The following LDB3 variants were observed in gnomAD, a reference collection of about 807,000 sequenced individuals.
LDB3 encodes LIM domain-binding protein 3.
Under a neutral mutation model 69.0 loss-of-function variants are expected in LDB3, and 49 were observed. The ratio of observed to expected loss-of-function variants is 0.71; its 90% CI spans 0.56 to 0.90. The LOEUF is 0.90. LDB3 is among the 40% of genes least tolerant of loss of function. The pLI, the probability that LDB3 is intolerant of heterozygous loss-of-function variation, is 0.00. For synonymous variants in LDB3, 387 were observed against 396.2 expected (o/e 0.98, Z 0.28); for missense variants, 928 against 974.1 (o/e 0.95, Z 0.63).
Position 86,699,321 on chromosome 10 carries a change from T to C in LDB3, c.896+6750T>C, listed in dbSNP as rs780883588. On this transcript the variant is annotated intron_variant, in intron 7 of 13. Transcript: ENST00000361373. The surrounding 1 kb of genome is among the most constrained non-coding windows in gnomAD (Gnocchi z 4.9). ...ACGTAACAGCCCACGTTTTGCCAAA[T>C]TGCGCAACTGGCACCATGGCCTTTC... 1 of 1,613,762 alleles carries C rather than the reference T, an allele frequency of 6.2e-7. No homozygotes were observed. Among genetic ancestry groups the C allele is most frequent in the Admixed American group, 1.7e-5 (1 of 60,004 alleles).
intron 7 of LDB3, among the ~76,000 whole-genome samples, chr10:86,702,085 A>G (rs981373807): frequency 6.6e-6 from 1 of 152,224 alleles, no homozygotes; most frequent in African/African-American, 2.4e-5. Flanking sequence ...AGCAAGGTGG[A>G]ACATAGACCA....
intron 7 of LDB3, among the ~76,000 whole-genome samples, chr10:86,702,892 C>G (rs1336591254): frequency 6.6e-6 from 1 of 152,156 alleles, no homozygotes; most frequent in Non-Finnish European, 1.5e-5. Context: ...TCAGCAAGAA[C>G]CCCAAGCAGC....
chr10:86,727,063 C>T (rs1390439823), intron 13 of LDB3, among the ~76,000 whole-genome samples: 2 of 150,864 alleles, frequency 1.3e-5, no homozygotes, highest in Non-Finnish European at 2.9e-5. Flanking sequence ...TCTTGTTGCC[C>T]AGGCTGGAGT....
intron 5 of LDB3, 79 bp from the exon 6 acceptor site, chr10:86,691,816 TG>T: frequency 6.6e-7 from 1 of 1,507,948 alleles, no homozygotes; most frequent in African/African-American, 1.4e-5. Context: ...GGGCCACCAA[TG>T]GGCATGGAGC....
intron 12 of LDB3, among the ~76,000 whole-genome samples, chr10:86,724,340 C>A (rs1218187739): frequency 6.6e-6 from 1 of 151,262 alleles, no homozygotes. Context: ...CGCGGTGGCT[C>A]ACGCCTGTAA....
intron 12 of LDB3, among the ~76,000 whole-genome samples, chr10:86,719,211 G>A (rs1179628792): frequency 6.6e-6 from 1 of 152,074 alleles, no homozygotes; most frequent in Non-Finnish European, 1.5e-5. Flanking sequence ...CAGCAACATA[G>A]CAAGACCCAG....
At chr10:86,724,751 T>C (rs1847200763) in intron 12 of LDB3, among the ~76,000 whole-genome samples, 1 of 152,198 alleles carries the variant, frequency 6.6e-6, no homozygotes. Flanking sequence ...CCTCTTTGCA[T>C]CAGTTATGAA....
chr10:86,699,527 T>C lies in LDB3; in HGVS notation c.896+6956T>C. 6.7e-7 allele frequency: 1 copy of C among 1,501,616 alleles called. No homozygotes were observed. The highest frequency in any genetic ancestry group is 1.3e-5 in the South Asian group (1 of 78,724). The allele number at this position is 1,501,616 out of a possible 1,614,324, so 93.0% of individuals were successfully genotyped here. ...GGCCAACCGCAGCATTTCTGTCCTC[T>C]GCCCACCCCAGAGCTGATGCTGGGG... On this transcript the variant is annotated intron_variant, in intron 7 of 13. Coordinates refer to ENST00000361373, the MANE Select transcript of LDB3 (RefSeq NM_007078.3). This position sits in a 1 kb window ranked among gnomAD's most constrained non-coding sequence, Gnocchi z 4.9.
intron 9 of LDB3, among the ~76,000 whole-genome samples, chr10:86,714,521 G>A (rs1194763329): frequency 6.6e-6 from 1 of 152,074 alleles, no homozygotes; most frequent in Non-Finnish European, 1.5e-5. Context: ...ACCCCTAAAG[G>A]GGAGGAAGAT....
chr10:86,679,412 G>A lies in LDB3; in HGVS notation c.139G>A (p.Asp47Asn), dbSNP rs397517212. ...KAAQSQLSQG[D>N]LVVAIDGVNT... ...AGCCCAGTCCCAGCTCAGCCAGGGT[G>A]ACCTCGTGGTGGCCATTGACGGCGT... is the stretch of plus-strand genomic sequence containing the variant. Residue 47 changes from aspartate (D) to asparagine (N), a missense_variant, in exon 3 of 14, where the codon GAC becomes AAC. Asp to Asn is a conservative substitution (Grantham distance 23). Coordinates refer to ENST00000361373, the MANE Select transcript of LDB3 (RefSeq NM_007078.3). The A allele has an allele frequency of 4.5e-5, 73 of 1,614,038 alleles. No homozygotes were observed. Among genetic ancestry groups the A allele is most frequent in the Non-Finnish European group, 6.0e-5 (71 of 1,180,038 alleles).
intron 7 of LDB3, among the ~76,000 whole-genome samples, chr10:86,692,837 C>T (rs551431839): frequency 6.6e-6 from 1 of 152,342 alleles, no homozygotes; most frequent in African/African-American, 2.4e-5. Context: ...GGGCAGGGGG[C>T]AGGGCTGCTT....
chr10:86,686,032 C>T (rs1400627704), intron 5 of LDB3, among the ~76,000 whole-genome samples: 1 of 152,056 alleles, frequency 6.6e-6, no homozygotes, highest in East Asian at 1.9e-4. Context: ...CCTGTGTGAG[C>T]CTGAAGACCT....
At chr10:86,682,546 T>A (rs1265643484) in intron 5 of LDB3, among the ~76,000 whole-genome samples, 1 of 152,124 alleles carries the variant, frequency 6.6e-6, no homozygotes, top group African/African-American at 2.4e-5. Context: ...ACACTGGGCC[T>A]GTGTTAGCTC....
chr10:86,682,914 C>A (rs1845243961), intron 5 of LDB3, among the ~76,000 whole-genome samples: 2 of 152,178 alleles, frequency 1.3e-5, no homozygotes, highest in South Asian at 4.1e-4. Context: ...CATCAGGTCA[C>A]TGCTCCCTGT....
chr10:86,716,734 C>T lies in LDB3; in HGVS notation c.1639C>T (p.Arg547Trp), dbSNP rs374426474. The T allele has an allele frequency of 3.4e-5, 55 of 1,613,074 alleles. 1 individual carries two copies. Among genetic ancestry groups the T allele is most frequent in the Middle Eastern group, 1.7e-4 (1 of 6,054 alleles). The change falls in exon 10 of 14, where the codon CGG becomes TGG. Residue 547 changes from arginine (R) to tryptophan (W), a missense_variant. Coordinates refer to ENST00000361373, the MANE Select transcript of LDB3 (RefSeq NM_007078.3). ...QRAERFPASS[R>W]TPLCGHCNNV... ...GGCTGAGCGATTCCCAGCCAGCAGC[C>T]GGACTCCACTCTGCGGTCACTGCAA...
intron 13 of LDB3, 112 bp downstream of exon 13, chr10:86,726,364 A>G: frequency 2.5e-6 from 2 of 791,032 alleles, no homozygotes; most frequent in Non-Finnish European, 4.4e-6. Context: ...TGACATCCTG[A>G]TCATTTTTAA....
At chr10:86,672,146 C>T (rs1589605154) in intron 2 of LDB3, among the ~76,000 whole-genome samples, 1 of 152,156 alleles carries the variant, frequency 6.6e-6, no homozygotes, top group East Asian at 1.9e-4. Context: ...TAAAATGATG[C>T]CTTCCACACC....
At chr10:86,709,362 G>T (rs1846554276) in intron 8 of LDB3, among the ~76,000 whole-genome samples, 1 of 152,200 alleles carries the variant, frequency 6.6e-6, no homozygotes, top group South Asian at 2.1e-4. Context: ...ACTCTATGCA[G>T]AAGAGGTGTG....
At chr10:86,719,798 AGTAAATTATT>A (rs1477779685) in intron 12 of LDB3, among the ~76,000 whole-genome samples, 1 of 152,242 alleles carries the variant, frequency 6.6e-6, no homozygotes, top group African/African-American at 2.4e-5. Flanking sequence ...TAAAATGCTA[AGTAAATTATT>A]GTAAATTCAA....
Sources: gnomAD v4.1 joint callset for allele counts (sites outside exome capture counted in the v4.1 genomes callset) on GRCh38, gnomAD v4.1.1 for gene constraint, Gnocchi (gnomAD v3.1) non-coding constraint, MANE v1.5 for transcripts, NCBI Gene and HGNC (gene_info 2026-07-23, HGNC 2026-07-21) for gene names.